The following BMP5 variants were observed in gnomAD, a reference collection of about 807,000 sequenced individuals.
BMP5 encodes bone morphogenetic protein 5.
BMP5 carries 23 observed loss-of-function variants against 46.6 expected under a neutral mutation model. That is an observed-to-expected ratio of 0.49 (90% confidence interval 0.35 to 0.70). BMP5 has a LOEUF of 0.70. Ranked by LOEUF, BMP5 falls within the 30% of genes least tolerant of loss-of-function variation. The pLI, the probability that BMP5 is intolerant of heterozygous loss-of-function variation, is 0.00. For missense variants in BMP5, 545 were observed against 565.6 expected, an observed-to-expected ratio of 0.96 and a Z score of 0.37; for synonymous variants, 204 against 191.9, an observed-to-expected ratio of 1.06 and a Z score of -0.52.
intron 2 of BMP5, among the ~76,000 whole-genome samples, chr6:55,816,150 T>C (rs1034791065): frequency 6.6e-6 from 1 of 151,992 alleles, no homozygotes; most frequent in East Asian, 1.9e-4. Flanking sequence ...ATAAAATATA[T>C]ATAACTGACA....
chr6:55,825,607 T>G (rs1380734611), intron 1 of BMP5, among the ~76,000 whole-genome samples: 1 of 148,926 alleles, frequency 6.7e-6, no homozygotes, highest in Admixed American at 6.7e-5. Context: ...ATAGAAGTTG[T>G]TTTTTTTTTC....
intron 1 of BMP5, 144 bp downstream of exon 1, chr6:55,874,232 G>A (rs1161919736): frequency 2.0e-6 from 2 of 981,258 alleles, no homozygotes; most frequent in Non-Finnish European, 3.0e-6. Flanking sequence ...AGGCATCAAT[G>A]AAAGAAAGAA....
chr6:55,808,162 C>T (rs1440847763), intron 2 of BMP5, among the ~76,000 whole-genome samples: 1 of 152,204 alleles, frequency 6.6e-6, no homozygotes, highest in Non-Finnish European at 1.5e-5. Flanking sequence ...AGAGTTCTGT[C>T]CCTGAGCACC....
chr6:55,865,187 G>C (rs368728090), intron 1 of BMP5, among the ~76,000 whole-genome samples: 2 of 152,040 alleles, frequency 1.3e-5, no homozygotes, highest in African/African-American at 4.8e-5. Flanking sequence ...CTCAAAGTGA[G>C]TTGACTTATG....
intron 4 of BMP5, among the ~76,000 whole-genome samples, chr6:55,764,563 C>T (rs1402480329): frequency 4.6e-5 from 6 of 129,046 alleles, no homozygotes; most frequent in South Asian, 2.6e-4. Flanking sequence ...CAGAGCAAGA[C>T]TCTGTCTCAA....
In BMP5 at chr6:55,824,145, G is replaced by T. The variant is rs1387297265; in HGVS notation, c.491-4298C>A. On this transcript the variant is annotated intron_variant, in intron 1 of 6. Coordinates refer to ENST00000370830, the MANE Select transcript of BMP5 (RefSeq NM_021073.4). ...CCTTAAATGTCAGCTTTTTAAGAAA[G>T]ATCTTTGTCTTATTCACATTGTGAC... Among the ~76,000 whole-genome samples, 3 of 151,940 alleles carry T rather than the reference G, an allele frequency of 2.0e-5. No homozygotes were observed. The East Asian group carries it at 5.8e-4, about 29-fold the overall frequency.
chr6:55,855,310 A>T lies in BMP5; in HGVS notation c.490+19066T>A, dbSNP rs532720526. Among the ~76,000 whole-genome samples, 8 of 151,966 alleles carry T rather than the reference A, an allele frequency of 5.3e-5. No homozygotes were observed. The South Asian group carries it at 1.7e-3, about 32-fold the overall frequency. ...CGAGGTGGAAGCATCACTTGAGCCCAGATGGTCAAAGCTGCAGTGAGTTAG... is the reference window on the plus strand; with the variant it reads ...CGAGGTGGAAGCATCACTTGAGCCCTGATGGTCAAAGCTGCAGTGAGTTAG... On this transcript the variant is annotated intron_variant, in intron 1 of 6. Transcript: ENST00000370830.
chr6:55,830,651 T>G (rs1387717475), intron 1 of BMP5, among the ~76,000 whole-genome samples: 1 of 152,122 alleles, frequency 6.6e-6, no homozygotes, highest in Non-Finnish European at 1.5e-5. Context: ...TTTCTGATGC[T>G]TTTGCTGTTA....
intron 1 of BMP5, among the ~76,000 whole-genome samples, chr6:55,824,805 G>A (rs1410223275): frequency 6.6e-6 from 1 of 151,918 alleles, no homozygotes; most frequent in Non-Finnish European, 1.5e-5. Flanking sequence ...GTGCTGACCT[G>A]TCTAACAAGA....
In BMP5 at chr6:55,780,600, A is replaced by AT. The variant is rs1278784883; in HGVS notation, c.833-6358dup. On this transcript the variant is annotated intron_variant, in intron 3 of 6. Transcript: ENST00000370830. ...ATAAAGAAGTTTAAAGGGGATAGAG[A>AT]TTTTTTAAAGTGTTGACATTCTTTC... 3.9e-5 allele frequency among the ~76,000 whole-genome samples: 6 copies of AT among 152,150 alleles called. No homozygotes were observed. The East Asian group carries it at 9.7e-4, about 25-fold the overall frequency.
At chr6:55,790,764 A>G (rs977964939) in intron 3 of BMP5, among the ~76,000 whole-genome samples, 2 of 152,212 alleles carry the variant, frequency 1.3e-5, no homozygotes, top group African/African-American at 4.8e-5. Flanking sequence ...ATTTCTTACG[A>G]ATCTAACTGC....
At chr6:55,860,674 G>T (rs1039526370) in intron 1 of BMP5, among the ~76,000 whole-genome samples, 2 of 152,166 alleles carry the variant, frequency 1.3e-5, no homozygotes, top group Non-Finnish European at 2.9e-5. Context: ...GCTACTTCTT[G>T]CCTTGCTTTT....
chr6:55,790,285 A>C (rs1419151185), intron 3 of BMP5, among the ~76,000 whole-genome samples: 2 of 152,150 alleles, frequency 1.3e-5, no homozygotes, highest in African/African-American at 4.8e-5. Context: ...AGACCTTTTT[A>C]ATTACAAACT....
intron 1 of BMP5, among the ~76,000 whole-genome samples, chr6:55,825,595 T>G (rs895010612): frequency 1.4e-4 from 22 of 151,810 alleles, no homozygotes; most frequent in African/African-American, 5.3e-4. Flanking sequence ...AGTTAATGAC[T>G]GATAGAAGTT....
At chr6:55,819,112 T>G (rs906715648) in intron 2 of BMP5, among the ~76,000 whole-genome samples, 1 of 152,208 alleles carries the variant, frequency 6.6e-6, no homozygotes, top group African/African-American at 2.4e-5. Flanking sequence ...TTTCAATGGT[T>G]CATTTGCAGT....
intron 1 of BMP5, among the ~76,000 whole-genome samples, chr6:55,870,217 G>A (rs77105275): frequency 3.3e-4 from 47 of 143,972 alleles, no homozygotes; most frequent in Admixed American, 2.1e-3. Flanking sequence ...AAAAAAAAAA[G>A]CATTTAATTA....
At chr6:55,871,778 C>T (rs971689113) in intron 1 of BMP5, among the ~76,000 whole-genome samples, 1 of 151,662 alleles carries the variant, frequency 6.6e-6, no homozygotes, top group East Asian at 1.9e-4. Flanking sequence ...GCTACTAGAT[C>T]CTTTTTATAT....
At position 55,866,541 on chromosome 6, in the gene BMP5, T is replaced by C. The variant is rs116527054; in HGVS notation, c.490+7835A>G. 5.7e-3 allele frequency among the ~76,000 whole-genome samples: 862 copies of C among 152,280 alleles called. 14 individuals are homozygous for C. The highest frequency in any genetic ancestry group is 0.019 in the African/African-American group (798 of 41,566). On this transcript the variant is annotated intron_variant, in intron 1 of 6. Transcript: ENST00000370830. Reference sequence around the variant, plus strand: ...CAGTCGTGGATCATCTCAGGAGGTATGGCATACAATTGACAATAAACAGGG... The same window carrying C: ...CAGTCGTGGATCATCTCAGGAGGTACGGCATACAATTGACAATAAACAGGG...
At position 55,774,070 on chromosome 6, in the gene BMP5, A is replaced by G. The variant is rs1436821792; in HGVS notation, c.1006T>C (p.Ser336Pro). 1.2e-6 allele frequency: 2 copies of G among 1,612,674 alleles called. No individual in the cohort carries two copies. The highest frequency in any genetic ancestry group is 1.1e-5 in the South Asian group (1 of 91,062). ...TTACCTCCAACACTGGACATTCTGG[A>G]GGAGTCCTGATGAGAGCTGGATTTA... ...RNKSSSHQDS[S>P]RMSSVGDYNT... The change falls in exon 4 of 7, where the codon TCC becomes CCC. Residue 336 changes from serine to proline, a missense_variant. Ser to Pro is a moderately conservative substitution (Grantham distance 74). Coordinates refer to ENST00000370830, the MANE Select transcript of BMP5 (RefSeq NM_021073.4).
Sources: allele counts gnomAD v4.1 joint callset (sites outside exome capture counted in the v4.1 genomes callset), GRCh38; gene constraint gnomAD v4.1.1; transcripts MANE v1.5; gene names NCBI Gene and HGNC (gene_info 2026-07-23, HGNC 2026-07-21).